SKI: variants seen among roughly 807,000 people sequenced by gnomAD.
The protein encoded by SKI is SKI proto-oncogene.
Under a neutral mutation model 59.3 loss-of-function variants are expected in SKI, and 23 were observed. The ratio of observed to expected loss-of-function variants is 0.39; its 90% CI spans 0.28 to 0.55. The LOEUF is 0.55. Ranked by LOEUF, SKI falls within the 20% of genes least tolerant of loss-of-function variation. The probability of loss-of-function intolerance (pLI) is 0.67; values close to 1 mark genes in which losing one functional copy is unlikely to be tolerated. For missense variants in SKI, 1,017 were observed against 1,038.9 expected (o/e 0.98, Z 0.29); for synonymous variants, 673 against 488.6 (o/e 1.38, Z -4.98).
At chr1:2,253,095 GA>G (rs55741448) in intron 1 of SKI, among the ~76,000 whole-genome samples, 2,455 of 139,560 alleles carry the variant, frequency 0.018, 38 homozygotes, top group African/African-American at 0.041. Context: ...GACCCTGTCT[GA>G]AAAAAAAAAA....
At position 2,270,268 on chromosome 1, in the gene SKI, C is replaced by CG. The variant is rs1639588202; in HGVS notation, c.970-32709dup. 6.6e-6 allele frequency among the ~76,000 whole-genome samples: 1 copy of CG among 152,192 alleles called. No individual in the cohort carries two copies. The highest frequency in any genetic ancestry group is 2.4e-5 in the African/African-American group (1 of 41,450). ...TCTGGGTTCGGTCCTGGACCTGCTG[C>CG]GTGTTATCCTCCCTGCGGGCCTGGC... is the stretch of plus-strand genomic sequence containing the variant. On this transcript the variant is annotated intron_variant, in intron 1 of 6. Coordinates refer to ENST00000378536, the MANE Select transcript of SKI (RefSeq NM_003036.4). This position sits in a 1 kb window ranked among gnomAD's most constrained non-coding sequence, Gnocchi z 4.1.
chr1:2,270,688 T>G lies in SKI; in HGVS notation c.970-32290T>G, dbSNP rs1639596932. On this transcript the variant is annotated intron_variant, in intron 1 of 6. Coordinates refer to ENST00000378536, the MANE Select transcript of SKI (RefSeq NM_003036.4). This position sits in a 1 kb window ranked among gnomAD's most constrained non-coding sequence, Gnocchi z 4.1. ...GGCTGTCCCTGCTCTCCAGAGGGGCTGGAGGTGGGGCGGGAGCAGAGACTG... is the reference window on the plus strand; with the variant it reads ...GGCTGTCCCTGCTCTCCAGAGGGGCGGGAGGTGGGGCGGGAGCAGAGACTG... Among the ~76,000 whole-genome samples, 1 of 152,048 alleles carries G rather than the reference T, an allele frequency of 6.6e-6. No homozygotes were observed.
chr1:2,233,656 A>G (rs566843102), intron 1 of SKI, among the ~76,000 whole-genome samples: 1 of 152,142 alleles, frequency 6.6e-6, no homozygotes, highest in South Asian at 2.1e-4. Flanking sequence ...GGCCCCAGGC[A>G]GCGTTTCTTC....
rs1028907430 is a variant in SKI, at chr1:2,309,207, C to T, written c.*2442C>T. 14 of 152,204 alleles carry T rather than the reference C, an allele frequency of 9.2e-5. No individual in the cohort carries two copies. The highest frequency in any genetic ancestry group is 1.9e-4 in the Non-Finnish European group (13 of 68,054). 9.4% of individuals were successfully genotyped at this position (152,204 alleles called of 1,614,324 possible). On this transcript the variant is annotated 3_prime_UTR_variant, in exon 7 of 7. Transcript: ENST00000378536. Reference sequence around the variant, plus strand: ...GGCTCCCCTTGGCACAGGTGCGAGTCCGTTTCTTTTCAGCAGAAGGGGGAA... The same window carrying T: ...GGCTCCCCTTGGCACAGGTGCGAGTTCGTTTCTTTTCAGCAGAAGGGGGAA...
chr1:2,303,342 G>A lies in SKI; in HGVS notation c.1153G>A (p.Ala385Thr), dbSNP rs758235470. The A allele has an allele frequency of 6.2e-6, 10 of 1,613,782 alleles. No homozygotes were observed. The East Asian group carries it at 8.9e-5, about 14-fold the overall frequency. ...CTCTGCTTTCCGACCCTGGTCCCCC[G>A]CAGTGTCAGCGAGTGAGAAAGAGCT... ...RLSAFRPWSPAVSASEKELSP... is the reference protein window; with the variant it reads ...RLSAFRPWSPTVSASEKELSP... The change falls in exon 3 of 7, where the codon GCA (alanine) becomes ACA (threonine). Residue 385 changes from alanine to threonine, a missense_variant. Coordinates refer to ENST00000378536, the MANE Select transcript of SKI (RefSeq NM_003036.4). This position sits in a 1 kb window ranked among gnomAD's most constrained non-coding sequence, Gnocchi z 5.6.
chr1:2,304,131 T>G (rs771386417), intron 4 of SKI, 29 bp downstream of exon 4: 14 of 1,609,920 alleles, frequency 8.7e-6, no homozygotes, highest in Non-Finnish European at 1.2e-5. Flanking sequence ...CTGTGCCTCC[T>G]CCCTGTGGGC....
chr1:2,246,027 C>T (rs1358920070), intron 1 of SKI, among the ~76,000 whole-genome samples: 1 of 151,980 alleles, frequency 6.6e-6, no homozygotes, highest in African/African-American at 2.4e-5. Flanking sequence ...GACTCCTGGC[C>T]TCAAGCCGTC....
Position 2,303,735 on chromosome 1 carries a change from GAA to G in SKI, c.1212-103_1212-102del. On this transcript the variant is annotated intron_variant, in intron 3 of 6. Transcript: ENST00000378536. The surrounding 1 kb of genome is among the most constrained non-coding windows in gnomAD (Gnocchi z 5.6). Reference sequence around the variant, plus strand: ...GCTTGACTTGAAGATTCGGAGCTGGGAAAGTCTTTCCTGTTTAACACCTTCAG... The same window carrying G: ...GCTTGACTTGAAGATTCGGAGCTGGGAGTCTTTCCTGTTTAACACCTTCAG... 2.1e-6 allele frequency: 3 copies of G among 1,442,188 alleles called. No homozygotes were observed. The highest frequency in any genetic ancestry group is 1.9e-6 in the Non-Finnish European group (2 of 1,051,252). The allele number at this position is 1,442,188 out of a possible 1,614,324, so 89.3% of individuals were successfully genotyped here.
intron 1 of SKI, among the ~76,000 whole-genome samples, chr1:2,294,292 A>G (rs1355565995): frequency 6.6e-6 from 1 of 152,180 alleles, no homozygotes; most frequent in Non-Finnish European, 1.5e-5. Flanking sequence ...ACATTTCTAG[A>G]AAAGGTTTCA....
At chr1:2,234,547 G>C (rs1181564670) in intron 1 of SKI, among the ~76,000 whole-genome samples, 1 of 152,234 alleles carries the variant, frequency 6.6e-6, no homozygotes, top group Non-Finnish European at 1.5e-5. Context: ...GGAGTCTCTC[G>C]GGGTTGTGGG....
intron 1 of SKI, among the ~76,000 whole-genome samples, chr1:2,258,747 G>C (rs995704090): frequency 6.6e-6 from 1 of 152,042 alleles, no homozygotes; most frequent in African/African-American, 2.4e-5. Flanking sequence ...TAGAGACGGG[G>C]TTTGTTGGTC....
chr1:2,303,042 C>T lies in SKI; in HGVS notation c.1034C>T (p.Ala345Val), dbSNP rs201599402. The T allele has an allele frequency of 1.7e-5, 27 of 1,613,736 alleles. No individual in the cohort carries two copies. In the African/African-American group the frequency reaches 2.3e-4, roughly 14 times the overall value. The change falls in exon 2 of 7, where the codon GCG becomes GTG. Residue 345 changes from alanine (A) to valine (V), a missense_variant. By Grantham distance (64) the Ala-to-Val change is moderately conservative. Coordinates refer to ENST00000378536, the MANE Select transcript of SKI (RefSeq NM_003036.4). This position sits in a 1 kb window ranked among gnomAD's most constrained non-coding sequence, Gnocchi z 5.6. ...GATGACACCTCTTCCCAGTCCCCCGCGCCTTCCGAAAAGGACAAGCCGTCC... is the reference window on the plus strand; with the variant it reads ...GATGACACCTCTTCCCAGTCCCCCGTGCCTTCCGAAAAGGACAAGCCGTCC... ...KTDDTSSQSP[A>V]PSEKDKPSSW...
chr1:2,249,264 G>A (rs1569718314), intron 1 of SKI, among the ~76,000 whole-genome samples: 1 of 152,344 alleles, frequency 6.6e-6, no homozygotes, highest in East Asian at 1.9e-4. Flanking sequence ...CATTCGTGGA[G>A]GTGCTGGGGG....
chr1:2,288,887 G>A (rs888322031), intron 1 of SKI, among the ~76,000 whole-genome samples: 10 of 152,340 alleles, frequency 6.6e-5, no homozygotes, highest in Non-Finnish European at 1.5e-4. Flanking sequence ...ACGTGTGTGA[G>A]GCCTGCAGTG....
intron 1 of SKI, among the ~76,000 whole-genome samples, chr1:2,255,688 T>C (rs1349828270): frequency 6.6e-6 from 1 of 152,014 alleles, no homozygotes; most frequent in Admixed American, 6.6e-5. Context: ...TCTCTCTATG[T>C]CCTGACCTCA....
At chr1:2,298,905 C>G (rs557310245) in intron 1 of SKI, among the ~76,000 whole-genome samples, 2 of 152,352 alleles carry the variant, frequency 1.3e-5, no homozygotes, top group Admixed American at 6.5e-5. Flanking sequence ...ACTCCCGCCT[C>G]CCCGGAGTCT....
chr1:2,290,552 G>A (rs1258096950), intron 1 of SKI, among the ~76,000 whole-genome samples: 10 of 152,108 alleles, frequency 6.6e-5, no homozygotes, highest in African/African-American at 1.9e-4. Flanking sequence ...GGCTGGGGTC[G>A]TCAGAGCTTC....
rs558978700 is a variant in SKI at position 2,265,008 on chromosome 1, C to T, written c.969+35273C>T. Among the ~76,000 whole-genome samples the T allele has an allele frequency of 3.3e-5, 5 of 152,238 alleles. No individual in the cohort carries two copies. In the South Asian group the frequency reaches 1.0e-3, roughly 32 times the overall value. The stretch of plus-strand genomic sequence containing the variant: ...TGTATTTTTAGTAGAGACGGGGTTT[C>T]TCCGTGTTGGCCAGGCTGGTCTCGA... On this transcript the variant is annotated intron_variant, in intron 1 of 6. Coordinates refer to ENST00000378536, the MANE Select transcript of SKI (RefSeq NM_003036.4).
Position 2,306,903 on chromosome 1 carries a change from T to A in SKI, c.*138T>A. 1.8e-6 allele frequency: 1 copy of A among 570,270 alleles called. No individual in the cohort carries two copies. The highest frequency in any genetic ancestry group is 2.6e-6 in the Non-Finnish European group (1 of 390,992). 35.3% of individuals were successfully genotyped at this position (570,270 alleles called of 1,614,324 possible). ...CCGTGCCTATTACCAAGCGAGTGTTTGTAACCATGTAGTTTTGGAACCCAC... is the reference window on the plus strand; with the variant it reads ...CCGTGCCTATTACCAAGCGAGTGTTAGTAACCATGTAGTTTTGGAACCCAC... On this transcript the variant is annotated 3_prime_UTR_variant, in exon 7 of 7. Transcript: ENST00000378536.
Sources: gnomAD v4.1 joint callset for allele counts (sites outside exome capture counted in the v4.1 genomes callset) on GRCh38, gnomAD v4.1.1 for gene constraint, Gnocchi (gnomAD v3.1) non-coding constraint, MANE v1.5 for transcripts, NCBI Gene and HGNC (gene_info 2026-07-23, HGNC 2026-07-21) for gene names.